The following SUZ12 variants were observed in gnomAD, a reference collection of about 807,000 sequenced individuals.
SUZ12 encodes SUZ12 polycomb repressive complex 2 subunit.
A neutral mutation model predicts 87.3 loss-of-function variants in SUZ12; 17 were observed. The ratio of observed to expected loss-of-function variants is 0.19; its 90% CI spans 0.13 to 0.29. The LOEUF (loss-of-function observed/expected upper bound fraction) is 0.29. Ranked by LOEUF, SUZ12 falls within the 10% of genes least tolerant of loss-of-function variation. The pLI is 1.00. For synonymous variants in SUZ12, 253 were observed against 312.4 expected (o/e 0.81, Z 2.01); for missense variants, 526 against 912.2 (o/e 0.58, Z 5.45).
At chr17:31,945,853 A>G (rs932511446) in intron 3 of SUZ12, among the ~76,000 whole-genome samples, 3 of 152,206 alleles carry the variant, frequency 2.0e-5, no homozygotes, top group African/African-American at 7.2e-5. Context: ...TTACATAAAC[A>G]TTATTCGGAA....
Position 31,993,876 on chromosome 17 carries a change from C to T in SUZ12, c.1305C>T (p.Asn435=), listed in dbSNP as rs771349305. Residue 435 remains asparagine (N), a synonymous_variant, in exon 12 of 16, where the codon AAC becomes AAT. Coordinates refer to ENST00000322652, the MANE Select transcript of SUZ12 (RefSeq NM_015355.4). Reference sequence around the variant, plus strand: ...TTAATTGTTTTTAGTTTCTCTATAACAACAATACAAGGCAACAAACTGAAG... The same window carrying T: ...TTAATTGTTTTTAGTTTCTCTATAATAACAATACAAGGCAACAAACTGAAG... The part of the protein sequence containing the change: ...KLRIFYQFLY[N]NNTRQQTEAR... 1 of 1,605,436 alleles carries T rather than the reference C, an allele frequency of 6.2e-7. No individual in the cohort carries two copies. The highest frequency in any genetic ancestry group is 1.1e-5 in the South Asian group (1 of 89,034).
intron 4 of SUZ12, among the ~76,000 whole-genome samples, chr17:31,960,634 G>T (rs971825420): frequency 3.9e-5 from 6 of 152,014 alleles, no homozygotes; most frequent in African/African-American, 1.4e-4. Flanking sequence ...CTGGAGTGCA[G>T]TGGTGTGATC....
intron 10 of SUZ12, among the ~76,000 whole-genome samples, chr17:31,989,586 T>G (rs886355057): frequency 4.4e-5 from 6 of 135,212 alleles, no homozygotes; most frequent in Non-Finnish European, 9.1e-5. Context: ...CTAAGTTGTT[T>G]TTTTTTGTTT....
intron 15 of SUZ12, among the ~76,000 whole-genome samples, chr17:31,997,664 T>TG (rs1910047044): frequency 5.6e-5 from 3 of 53,880 alleles, no homozygotes; most frequent in Admixed American, 4.4e-4. Flanking sequence ...AGACCCTATC[T>TG]CCAAAAAAAA....
chr17:31,998,939 A>G lies in SUZ12; in HGVS notation c.2156A>G (p.Glu719Gly). Residue 719 changes from glutamate (E) to glycine (G), a missense_variant, in exon 16 of 16, where the codon GAG becomes GGG. Physicochemically the swap from Glu to Gly is moderately conservative, Grantham distance 98. Transcript: ENST00000322652. ...ANGFSEINSK[E>G]KALETDSVSG... Reference sequence around the variant, plus strand: ...GGATTTAGTGAAATTAACTCAAAAGAGAAAGCTTTGGAAACAGATAGTGTC... The same window carrying G: ...GGATTTAGTGAAATTAACTCAAAAGGGAAAGCTTTGGAAACAGATAGTGTC... 1 of 1,608,672 alleles carries G rather than the reference A, an allele frequency of 6.2e-7. No homozygotes were observed. The highest frequency in any genetic ancestry group is 8.5e-7 in the Non-Finnish European group (1 of 1,178,596).
At position 31,940,501 on chromosome 17, in the gene SUZ12, T is replaced by C; in HGVS notation, c.386+15T>C. 6.6e-7 allele frequency: 1 copy of C among 1,525,600 alleles called. No homozygotes were observed. The highest frequency in any genetic ancestry group is 1.3e-5 in the South Asian group (1 of 78,482). The allele number at this position is 1,525,600 out of a possible 1,614,324, so 94.5% of individuals were successfully genotyped here. On this transcript the variant is annotated intron_variant, in intron 3 of 15. Transcript: ENST00000322652. ...AACATCAAAAGGTACATTTTATGAA[T>C]CTTATTTCAAGCTGATCAAACCATG...
intron 6 of SUZ12, among the ~76,000 whole-genome samples, chr17:31,975,258 C>A (rs1433091294): frequency 6.6e-6 from 1 of 152,024 alleles, no homozygotes; most frequent in African/African-American, 2.4e-5. Context: ...ATCATAATTT[C>A]ATTATGTTGG....
chr17:31,995,947 G>A (rs1567840005), intron 14 of SUZ12, among the ~76,000 whole-genome samples, 185 bp downstream of exon 14: 1 of 151,972 alleles, frequency 6.6e-6, no homozygotes, highest in South Asian at 2.1e-4. Context: ...GGTGGCGGTC[G>A]CTCACACCTG....
At chr17:31,948,811 T>A (rs1344430255) in intron 4 of SUZ12, among the ~76,000 whole-genome samples, 1 of 152,224 alleles carries the variant, frequency 6.6e-6, no homozygotes, top group African/African-American at 2.4e-5. Flanking sequence ...CCTGAATTGT[T>A]ACCTGTTATA....
intron 5 of SUZ12, chr17:31,967,137 T>G (rs73282227): frequency 6.7e-6 from 1 of 150,366 alleles, no homozygotes; most frequent in Non-Finnish European, 1.5e-5. Context: ...AGTCGGAGGT[T>G]GCAATGAGCT....
intron 4 of SUZ12, among the ~76,000 whole-genome samples, chr17:31,951,942 T>G (rs913447552): frequency 6.6e-6 from 1 of 151,940 alleles, no homozygotes; most frequent in African/African-American, 2.4e-5. Context: ...GTCCAACTAA[T>G]TTTTGTATTT....
intron 4 of SUZ12, among the ~76,000 whole-genome samples, chr17:31,955,157 A>G (rs931770799): frequency 6.6e-6 from 1 of 152,138 alleles, no homozygotes; most frequent in African/African-American, 2.4e-5. Context: ...GTGGCAGTAC[A>G]GTGGTGTGAT....
chr17:31,967,902 C>CA (rs1346130025), intron 5 of SUZ12, among the ~76,000 whole-genome samples: 1 of 152,234 alleles, frequency 6.6e-6, no homozygotes, highest in East Asian at 1.9e-4. Context: ...CGTGGTGGCT[C>CA]ACAGCTATAA....
intron 10 of SUZ12, among the ~76,000 whole-genome samples, chr17:31,991,734 A>G (rs1316551978): frequency 1.3e-5 from 2 of 151,758 alleles, no homozygotes; most frequent in Non-Finnish European, 2.9e-5. Context: ...CTTCCCAAGT[A>G]GCTGGGACTA....
chr17:31,986,323 G>T (rs1043225371), intron 9 of SUZ12, among the ~76,000 whole-genome samples: 13 of 152,134 alleles, frequency 8.5e-5, no homozygotes, highest in Admixed American at 7.9e-4. Context: ...AAAGTTCTGA[G>T]ATTTTTTGTT....
At chr17:31,954,525 C>G (rs1485590581) in intron 4 of SUZ12, among the ~76,000 whole-genome samples, 1 of 152,008 alleles carries the variant, frequency 6.6e-6, no homozygotes, top group Non-Finnish European at 1.5e-5. Context: ...ATACTAAGCC[C>G]TCGGGTATAT....
At chr17:31,962,094 G>T (rs146781462) in intron 4 of SUZ12, among the ~76,000 whole-genome samples, 37 of 152,220 alleles carry the variant, frequency 2.4e-4, no homozygotes, top group African/African-American at 8.7e-4. Flanking sequence ...TTGGGTTTAG[G>T]GTCTTTGTAG....
intron 9 of SUZ12, among the ~76,000 whole-genome samples, chr17:31,984,585 CAA>C (rs1175670604): frequency 6.6e-6 from 1 of 152,060 alleles, no homozygotes; most frequent in African/African-American, 2.4e-5. Flanking sequence ...ATCTGTAACA[CAA>C]AATGCTAATA....
chr17:31,969,575 G>A (rs1225887234), intron 5 of SUZ12, among the ~76,000 whole-genome samples: 4 of 152,016 alleles, frequency 2.6e-5, no homozygotes, highest in African/African-American at 4.8e-5. Flanking sequence ...GATTATAGGC[G>A]TGAGCCACCA....
Sources: gnomAD v4.1 joint callset for allele counts (sites outside exome capture counted in the v4.1 genomes callset) on GRCh38, gnomAD v4.1.1 for gene constraint, MANE v1.5 for transcripts, NCBI Gene and HGNC (gene_info 2026-07-23, HGNC 2026-07-21) for gene names.